ANKDD1B: variants seen among roughly 807,000 people sequenced by gnomAD.
ANKDD1B encodes the protein ankyrin repeat and death domain-containing protein 1B.
A neutral mutation model predicts 59.7 loss-of-function variants in ANKDD1B; 57 were observed. The ratio of observed to expected loss-of-function variants is 0.95; its 90% CI spans 0.77 to 1.19. ANKDD1B has a LOEUF of 1.19. ANKDD1B is among the 50% of genes most tolerant of loss of function. The probability of loss-of-function intolerance (pLI) is 0.00; values close to 1 mark genes in which losing one functional copy is unlikely to be tolerated. For synonymous variants in ANKDD1B, 216 were observed against 239.5 expected, an observed-to-expected ratio of 0.90 and a Z score of 0.91; for missense variants, 602 against 641.9, an observed-to-expected ratio of 0.94 and a Z score of 0.67.
intron 10 of ANKDD1B, among the ~76,000 whole-genome samples, chr5:75,660,492 A>G (rs998205299): frequency 1.3e-5 from 2 of 152,216 alleles, no homozygotes; most frequent in Non-Finnish European, 2.9e-5. Flanking sequence ...TCATTCATTC[A>G]TCCATCGATG....
At chr5:75,614,215 A>T (rs1773653998) in intron 1 of ANKDD1B, among the ~76,000 whole-genome samples, 1 of 152,182 alleles carries the variant, frequency 6.6e-6, no homozygotes, top group South Asian at 2.1e-4. Context: ...CATTTGTGTC[A>T]GTTCTCCAAG....
chr5:75,635,768 T>G lies in ANKDD1B; in HGVS notation c.700-16T>G, dbSNP rs1043412105. On this transcript the variant is annotated splice_polypyrimidine_tract_variant and intron_variant, in intron 6 of 13. Transcript: ENST00000601380. Reference sequence around the variant, plus strand: ...CTGGCACAGGGGTTTCTACGTCGAGTGTGTCTCTGTTGCAGGGGGGAAACA... The same window carrying G: ...CTGGCACAGGGGTTTCTACGTCGAGGGTGTCTCTGTTGCAGGGGGGAAACA... 6.0e-6 allele frequency: 9 copies of G among 1,497,526 alleles called. No homozygotes were observed. Among genetic ancestry groups the G allele is most frequent in the Non-Finnish European group, 8.1e-6 (9 of 1,113,878 alleles). 92.8% of individuals were successfully genotyped at this position (1,497,526 alleles called of 1,614,324 possible).
chr5:75,659,195 G>A (rs1579973639), intron 9 of ANKDD1B, 88 bp from the exon 10 acceptor site: 1 of 914,808 alleles, frequency 1.1e-6, no homozygotes, highest in Non-Finnish European at 1.7e-6. Flanking sequence ...TATGACCTGT[G>A]TTTTCCCTTG....
At chr5:75,628,866 C>T (rs1397593712) in intron 5 of ANKDD1B, among the ~76,000 whole-genome samples, 1 of 152,114 alleles carries the variant, frequency 6.6e-6, no homozygotes, top group Non-Finnish European at 1.5e-5. Context: ...TATTTTGAAT[C>T]TACATGTAAA....
At position 75,625,736 on chromosome 5, in the gene ANKDD1B, C is replaced by A. The variant is rs902505047; in HGVS notation, c.486C>A (p.Ala162=). ...MLVKAGADQR[A]KNQDGMSALH... is the part of the protein sequence containing the mutation. ...TTAAAGCTGGAGCAGACCAGAGAGC[C>A]AAGAATCAGGTAGGTATGTGGGTCA... The change falls in exon 4 of 14, where the codon GCC becomes GCA. Residue 162 remains alanine (A), a synonymous_variant. Transcript: ENST00000601380. The A allele has an allele frequency of 1.1e-5, 17 of 1,536,134 alleles. No homozygotes were observed. The highest frequency in any genetic ancestry group is 1.4e-5 in the African/African-American group (1 of 72,988).
intron 10 of ANKDD1B, among the ~76,000 whole-genome samples, chr5:75,661,994 A>C (rs2287709): frequency 0.065 from 9,433 of 145,654 alleles, 474 homozygotes; most frequent in South Asian, 0.16. Context: ...GTTTGGTATA[A>C]ATTTGACTTT....
chr5:75,661,290 C>G (rs59115766), intron 10 of ANKDD1B, among the ~76,000 whole-genome samples: 10,261 of 145,050 alleles, frequency 0.071, 548 homozygotes, highest in South Asian at 0.18. Flanking sequence ...CCAGCTACAG[C>G]GGGGGCTGAG....
At chr5:75,612,022 C>T (rs1191275029) in intron 1 of ANKDD1B, among the ~76,000 whole-genome samples, 195 bp downstream of exon 1, 1 of 152,118 alleles carries the variant, frequency 6.6e-6, no homozygotes, top group Admixed American at 6.5e-5. Flanking sequence ...TGGAATCCAC[C>T]CCCACCATGT....
In ANKDD1B at chr5:75,611,546, G is replaced by T; in HGVS notation, c.-89G>T. Reference sequence around the variant, plus strand: ...CGTCCAGCCCCCGCGCCCTGGGCCTGCCTGGGTCTGGATCTGTGTCCGAGT... The same window carrying T: ...CGTCCAGCCCCCGCGCCCTGGGCCTTCCTGGGTCTGGATCTGTGTCCGAGT... On this transcript the variant is annotated 5_prime_UTR_variant, in exon 1 of 14. Coordinates refer to ENST00000601380, the MANE Select transcript of ANKDD1B (RefSeq NM_001276713.2). The T allele has an allele frequency of 2.7e-6, 3 of 1,109,866 alleles. No individual in the cohort carries two copies. Among genetic ancestry groups the T allele is most frequent in the Non-Finnish European group, 3.4e-6 (3 of 877,722 alleles). The allele number at this position is 1,109,866 out of a possible 1,614,324, so 68.8% of individuals were successfully genotyped here.
chr5:75,661,968 G>A (rs867478266), intron 10 of ANKDD1B, among the ~76,000 whole-genome samples: 10 of 135,354 alleles, frequency 7.4e-5, no homozygotes, highest in South Asian at 4.6e-4. Flanking sequence ...GTCTGGTTAG[G>A]AAATAAGGAA....
intron 10 of ANKDD1B, among the ~76,000 whole-genome samples, chr5:75,662,394 A>G (rs189798907): frequency 6.6e-6 from 1 of 152,230 alleles, no homozygotes; most frequent in East Asian, 1.9e-4. Flanking sequence ...AATCATTTAT[A>G]TTGGTGGGAA....
intron 2 of ANKDD1B, among the ~76,000 whole-genome samples, chr5:75,617,357 T>C (rs2112953715): frequency 6.6e-6 from 1 of 152,328 alleles, no homozygotes. Context: ...CGTGTGGATT[T>C]TCATTATACT....
intron 1 of ANKDD1B, among the ~76,000 whole-genome samples, chr5:75,613,176 G>C (rs1189739705): frequency 6.6e-6 from 1 of 152,200 alleles, no homozygotes; most frequent in Admixed American, 6.5e-5. Context: ...ACAAGACTGT[G>C]AGATGAAGAA....
chr5:75,626,864 A>G (rs1000431162), intron 5 of ANKDD1B, among the ~76,000 whole-genome samples: 1 of 151,916 alleles, frequency 6.6e-6, no homozygotes, highest in African/African-American at 2.4e-5. Context: ...TCTCAGCAGT[A>G]GAATATACTT....
intron 2 of ANKDD1B, 45 bp downstream of exon 2, chr5:75,616,952 G>C (rs748994208): frequency 4.3e-5 from 38 of 892,024 alleles, no homozygotes; most frequent in Admixed American, 2.3e-5. Flanking sequence ...TCCAGTAATG[G>C]CTTGGATTTA....
intron 7 of ANKDD1B, among the ~76,000 whole-genome samples, chr5:75,644,924 A>G (rs1579957513): frequency 8.4e-6 from 1 of 119,188 alleles, no homozygotes; most frequent in Non-Finnish European, 1.6e-5. Context: ...CAATCAAACT[A>G]GAACTCAGGA....
At chr5:75,616,386 G>T (rs778499582) in intron 1 of ANKDD1B, among the ~76,000 whole-genome samples, 1 of 152,100 alleles carries the variant, frequency 6.6e-6, no homozygotes, top group African/African-American at 2.4e-5. Context: ...GCCTGGCCTC[G>T]GTATAGAGTT....
At chr5:75,640,034 A>C (rs1241721953) in intron 7 of ANKDD1B, among the ~76,000 whole-genome samples, 3 of 151,632 alleles carry the variant, frequency 2.0e-5, no homozygotes, top group Non-Finnish European at 4.4e-5. Flanking sequence ...CTTATTTCTG[A>C]GATTATCTTT....
intron 3 of ANKDD1B, among the ~76,000 whole-genome samples, chr5:75,621,869 C>T (rs1206895866): frequency 6.6e-6 from 1 of 152,166 alleles, no homozygotes; most frequent in Non-Finnish European, 1.5e-5. Context: ...GACTATTTCT[C>T]TTAACTTTGC....
Sources: allele counts gnomAD v4.1 joint callset (sites outside exome capture counted in the v4.1 genomes callset), GRCh38; gene constraint gnomAD v4.1.1; transcripts MANE v1.5; gene names NCBI Gene and HGNC (gene_info 2026-07-23, HGNC 2026-07-21).